LAMA2: variants seen among roughly 807,000 people sequenced by gnomAD.
LAMA2 encodes the protein laminin subunit alpha 2.
Under a neutral mutation model 364.8 loss-of-function variants are expected in LAMA2, and 269 were observed. The ratio of observed to expected loss-of-function variants is 0.74; its 90% CI spans 0.67 to 0.82. The LOEUF (loss-of-function observed/expected upper bound fraction) is 0.82, where lower values mean the gene tolerates loss of function less well. Ranked by LOEUF, LAMA2 falls within the 40% of genes least tolerant of loss-of-function variation. The pLI is 0.00. For missense variants in LAMA2, 3,807 were observed against 3,873.2 expected, an observed-to-expected ratio of 0.98 and a Z score of 0.45; for synonymous variants, 1,379 against 1,370.6, an observed-to-expected ratio of 1.01 and a Z score of -0.14.
intron 37 of LAMA2, among the ~76,000 whole-genome samples, chr6:129,399,567 T>G (rs1779847654): frequency 6.6e-6 from 1 of 152,194 alleles, no homozygotes; most frequent in Non-Finnish European, 1.5e-5. Context: ...GGGCTGTCAC[T>G]TGGATGTAGC....
intron 58 of LAMA2, among the ~76,000 whole-genome samples, chr6:129,497,061 T>C (rs952463244): frequency 6.6e-6 from 1 of 152,210 alleles, no homozygotes; most frequent in Non-Finnish European, 1.5e-5. Flanking sequence ...ACTTTTCACA[T>C]TTTTAGGGTG....
At chr6:129,508,518 A>C (rs913989730) in intron 62 of LAMA2, among the ~76,000 whole-genome samples, 1 of 151,974 alleles carries the variant, frequency 6.6e-6, no homozygotes, top group African/African-American at 2.4e-5. Context: ...CCCTGCCACT[A>C]ACCTTCCCAA....
At chr6:129,478,924 T>C (rs1393956236) in intron 54 of LAMA2, 111 bp downstream of exon 54, 2 of 942,272 alleles carry the variant, frequency 2.1e-6, no homozygotes, top group African/African-American at 3.2e-5. Flanking sequence ...ACTTTTCTAC[T>C]GATCCTACTC....
chr6:129,053,896 C>T (rs1302414413), intron 2 of LAMA2, among the ~76,000 whole-genome samples: 4 of 152,090 alleles, frequency 2.6e-5, no homozygotes, highest in Non-Finnish European at 4.4e-5. Flanking sequence ...AGATAAGAGA[C>T]ATTTGAGTTG....
At chr6:128,930,437 A>G (rs959171725) in intron 1 of LAMA2, among the ~76,000 whole-genome samples, 2 of 152,100 alleles carry the variant, frequency 1.3e-5, no homozygotes, top group African/African-American at 2.4e-5. Flanking sequence ...GACATGCTTT[A>G]CTCTTAGATT....
chr6:129,299,336 T>G (rs1482777561), intron 21 of LAMA2, among the ~76,000 whole-genome samples: 1 of 152,118 alleles, frequency 6.6e-6, no homozygotes, highest in East Asian at 1.9e-4. Flanking sequence ...CCACACATGG[T>G]TTTTGTTACA....
At chr6:129,286,170 G>A (rs1789101852) in intron 18 of LAMA2, among the ~76,000 whole-genome samples, 1 of 152,052 alleles carries the variant, frequency 6.6e-6, no homozygotes, top group African/African-American at 2.4e-5. Context: ...CATAAAAGTG[G>A]TGTACTACTG....
Position 129,050,032 on chromosome 6 carries a change from AGCCTG to A in LAMA2, c.228_232del (p.Gln76HisfsTer27). 6.2e-7 allele frequency: 1 copy of A among 1,614,174 alleles called. No individual in the cohort carries two copies. The highest frequency in any genetic ancestry group is 1.1e-5 in the South Asian group (1 of 91,086). ...AAATTGGTAGAACATGTCCCTGGGCAGCCTGTGAGGAACCCGCAGTGTCGAATCTG... is the reference window on the plus strand; with the variant it reads ...AAATTGGTAGAACATGTCCCTGGGCATGAGGAACCCGCAGTGTCGAATCTG... On this transcript the variant is annotated frameshift_variant, in exon 2 of 65. Transcript: ENST00000421865. LOFTEE classifies it high-confidence loss of function.
At chr6:129,454,049 A>G (rs1782828156) in intron 46 of LAMA2, 106 bp from the exon 47 acceptor site, 4 of 787,882 alleles carry the variant, frequency 5.1e-6, no homozygotes, top group Non-Finnish European at 8.9e-6. Context: ...GCTCCTAATC[A>G]TTTCACATGT....
intron 12 of LAMA2, 23 bp downstream of exon 12, chr6:129,192,876 C>T (rs1451742614): frequency 8.1e-6 from 13 of 1,609,568 alleles, no homozygotes; most frequent in Non-Finnish European, 1.0e-5. Flanking sequence ...TTGCTTCCCG[C>T]TATTCTGCTT....
intron 1 of LAMA2, among the ~76,000 whole-genome samples, chr6:128,920,993 C>A (rs924515883): frequency 1.3e-5 from 2 of 152,136 alleles, no homozygotes; most frequent in Non-Finnish European, 2.9e-5. Context: ...CATTTCTGAT[C>A]ATCGATCCTG....
chr6:129,043,450 T>C (rs10457513), intron 1 of LAMA2, among the ~76,000 whole-genome samples: 21,261 of 152,208 alleles, frequency 0.14, 1,625 homozygotes, highest in South Asian at 0.19. Flanking sequence ...TCATTCTAGA[T>C]ACTGTGTTAC....
intron 12 of LAMA2, among the ~76,000 whole-genome samples, chr6:129,219,557 G>A (rs1419793526): frequency 1.3e-5 from 2 of 150,616 alleles, no homozygotes; most frequent in Middle Eastern, 3.4e-3. Context: ...ATTCACAATA[G>A]CAAAGACTTG....
intron 1 of LAMA2, among the ~76,000 whole-genome samples, chr6:128,910,621 C>T (rs1204532932): frequency 6.6e-6 from 1 of 152,200 alleles, no homozygotes; most frequent in Non-Finnish European, 1.5e-5. Context: ...TCATCTGAAG[C>T]CTTCTTCTCT....
chr6:129,481,760 T>C (rs187638543), intron 55 of LAMA2, among the ~76,000 whole-genome samples: 5 of 152,328 alleles, frequency 3.3e-5, no homozygotes, highest in Admixed American at 6.5e-5. Flanking sequence ...TAATTTCTAC[T>C]GTCTCCAAGT....
At chr6:129,041,265 A>G (rs1036262509) in intron 1 of LAMA2, among the ~76,000 whole-genome samples, 8 of 152,204 alleles carry the variant, frequency 5.3e-5, no homozygotes, top group Non-Finnish European at 1.2e-4. Context: ...TGACTTGTGT[A>G]GTGCTTCAAA....
chr6:129,209,623 C>T (rs574979632), intron 12 of LAMA2, among the ~76,000 whole-genome samples: 2 of 152,102 alleles, frequency 1.3e-5, no homozygotes, highest in Admixed American at 6.6e-5. Context: ...AAATTAACTC[C>T]TTTAAAAATC....
intron 40 of LAMA2, among the ~76,000 whole-genome samples, chr6:129,411,457 G>A (rs967478755): frequency 6.6e-6 from 1 of 152,158 alleles, no homozygotes; most frequent in African/African-American, 2.4e-5. Context: ...GTGAAGAAAA[G>A]GGGAGAAGCC....
intron 12 of LAMA2, among the ~76,000 whole-genome samples, chr6:129,242,334 A>C (rs994988755): frequency 6.6e-6 from 1 of 152,140 alleles, no homozygotes; most frequent in African/African-American, 2.4e-5. Context: ...TTGTTACATA[A>C]ATTTTCCACA....
Sources: allele counts gnomAD v4.1 joint callset (sites outside exome capture counted in the v4.1 genomes callset), GRCh38; gene constraint gnomAD v4.1.1; transcripts MANE v1.5; gene names NCBI Gene and HGNC (gene_info 2026-07-23, HGNC 2026-07-21).